Variants in EIF4G3 observed in about 807,000 individuals in gnomAD.
EIF4G3 encodes the protein eIF-4-gamma 3.
A neutral mutation model predicts 186.4 loss-of-function variants in EIF4G3; 34 were observed. The ratio of observed to expected loss-of-function variants is 0.18; its 90% CI spans 0.14 to 0.24. The LOEUF is 0.24. Ranked by LOEUF, EIF4G3 falls within the 10% of genes least tolerant of loss-of-function variation. The probability of loss-of-function intolerance (pLI) is 1.00; values close to 1 mark genes in which losing one functional copy is unlikely to be tolerated. For missense variants in EIF4G3, 1,536 were observed against 1,948.5 expected (o/e 0.79, Z 3.99); for synonymous variants, 673 against 679.5 (o/e 0.99, Z 0.15).
chr1:20,916,399 A>T (rs2093871871), intron 14 of EIF4G3, among the ~76,000 whole-genome samples: 1 of 151,934 alleles, frequency 6.6e-6, no homozygotes, highest in African/African-American at 2.4e-5. Flanking sequence ...GTGAGCCGAG[A>T]TCGTGCCATT....
intron 4 of EIF4G3, among the ~76,000 whole-genome samples, chr1:21,021,244 A>G (rs945413521): frequency 6.6e-6 from 1 of 152,148 alleles, no homozygotes; most frequent in African/African-American, 2.4e-5. Flanking sequence ...TCAGCCCCCC[A>G]AAGTGCTGGG....
At chr1:20,932,434 T>G (rs541147755) in intron 14 of EIF4G3, among the ~76,000 whole-genome samples, 14 of 152,330 alleles carry the variant, frequency 9.2e-5, no homozygotes, top group African/African-American at 3.4e-4. Flanking sequence ...TCAAGGGGCC[T>G]AGCTTTCACT....
chr1:20,969,582 A>G lies in EIF4G3; in HGVS notation c.606T>C (p.Asp202=). Reference sequence around the variant, plus strand: ...TTATGTCTTTACCTCCCTGGTTTGGATCCCGAATTCTTATCTATAAGGTTA... The same window carrying G: ...TTATGTCTTTACCTCCCTGGTTTGGGTCCCGAATTCTTATCTATAAGGTTA... ...KREKKTIRIR[D]PNQGGKDITE... is the part of the protein sequence containing the mutation. Residue 202 remains aspartate, a synonymous_variant, in exon 12 of 37, where the codon GAT becomes GAC. Transcript: ENST00000602326. The G allele has an allele frequency of 6.2e-7, 1 of 1,613,614 alleles. No homozygotes were observed. The highest frequency in any genetic ancestry group is 8.5e-7 in the Non-Finnish European group (1 of 1,179,762).
chr1:20,858,113 T>C (rs1053934648), intron 24 of EIF4G3, among the ~76,000 whole-genome samples: 2 of 152,222 alleles, frequency 1.3e-5, no homozygotes, highest in African/African-American at 4.8e-5. Context: ...GCCTTCCTGC[T>C]TCTACCTTCA....
intron 2 of EIF4G3, among the ~76,000 whole-genome samples, chr1:21,155,559 G>A (rs950018859): frequency 7.2e-5 from 11 of 152,000 alleles, no homozygotes; most frequent in African/African-American, 2.7e-4. Context: ...AGTCAGGTAC[G>A]GTGCCTCACA....
intron 7 of EIF4G3, among the ~76,000 whole-genome samples, chr1:20,997,023 A>C (rs1241439984): frequency 1.3e-5 from 2 of 152,186 alleles, no homozygotes; most frequent in Non-Finnish European, 2.9e-5. Context: ...TATTTCATTT[A>C]AAAAACCAAT....
intron 7 of EIF4G3, 59 bp downstream of exon 7, chr1:20,997,542 G>C: frequency 6.8e-7 from 1 of 1,474,034 alleles, no homozygotes. Context: ...AGAGTCAGCA[G>C]CTACTAAAGC....
rs370635546 is a variant in EIF4G3, at chr1:20,865,231, T to C, written c.2654A>G (p.Asn885Ser). 5 of 1,614,012 alleles carry C rather than the reference T, an allele frequency of 3.1e-6. No homozygotes were observed. In the South Asian group the frequency reaches 3.3e-5, roughly 11 times the overall value. Residue 885 changes from asparagine (N) to serine (S), a missense_variant, in exon 21 of 37, where the codon AAC (asparagine) becomes AGC (serine). Asn to Ser is a conservative substitution (Grantham distance 46). This residue lies in a region of EIF4G3 where 77 missense variants were observed against 131.6 expected (regional missense o/e 0.59). Transcript: ENST00000602326. ...LKVPMADKPG[N>S]TVNFRKLLLN... ...TAGCAGCTTCCGGAAATTCACTGTG[T>C]TACCAGGCTTGTCTGCCATGGGTAC...
intron 12 of EIF4G3, among the ~76,000 whole-genome samples, chr1:20,954,534 CAAAAAAAAAAAA>C (rs35942587): frequency 1.0e-4 from 5 of 49,340 alleles, no homozygotes; most frequent in South Asian, 1.9e-3. Context: ...GACCCCGTCT[CAAAAAAAAAAAA>C]AAAAAAAAAA....
At chr1:21,033,033 T>C (rs1277094996) in intron 4 of EIF4G3, among the ~76,000 whole-genome samples, 2 of 152,218 alleles carry the variant, frequency 1.3e-5, no homozygotes, top group Non-Finnish European at 2.9e-5. Flanking sequence ...TAATATTTGC[T>C]TAACAGCTAA....
intron 15 of EIF4G3, 72 bp downstream of exon 15, chr1:20,904,811 A>G (rs2091570268): frequency 2.9e-6 from 3 of 1,042,466 alleles, no homozygotes; most frequent in South Asian, 1.8e-5. Flanking sequence ...ATTTCAATAA[A>G]TAGGTATAAA....
chr1:21,024,234 G>A (rs34675896), intron 4 of EIF4G3, among the ~76,000 whole-genome samples: 4,093 of 146,250 alleles, frequency 0.028, 82 homozygotes, highest in Non-Finnish European at 0.038. Context: ...TCAGCCCCCC[G>A]CCCGGCCAGC....
At chr1:21,017,566 T>C (rs1557533229) in intron 4 of EIF4G3, among the ~76,000 whole-genome samples, 1 of 143,306 alleles carries the variant, frequency 7.0e-6, no homozygotes, top group Non-Finnish European at 1.5e-5. Flanking sequence ...AGGTGGAGCT[T>C]GCAGTGAGCC....
At chr1:21,084,899 G>A (rs2095909168) in intron 3 of EIF4G3, among the ~76,000 whole-genome samples, 1 of 151,956 alleles carries the variant, frequency 6.6e-6, no homozygotes, top group Non-Finnish European at 1.5e-5. Flanking sequence ...CCATAAAGAT[G>A]TAATATCCAT....
At chr1:20,900,794 C>T (rs904270291) in intron 15 of EIF4G3, among the ~76,000 whole-genome samples, 2 of 152,028 alleles carry the variant, frequency 1.3e-5, no homozygotes, top group Non-Finnish European at 2.9e-5. Context: ...TAAATTCACA[C>T]GAGGAGAAGA....
intron 2 of EIF4G3, among the ~76,000 whole-genome samples, chr1:21,125,769 TATACAC>T (rs1173408299): frequency 5.4e-4 from 62 of 114,508 alleles, no homozygotes; most frequent in African/African-American, 2.0e-3. Context: ...TTTATATATA[TATACAC>T]ACACACACAC....
intron 2 of EIF4G3, among the ~76,000 whole-genome samples, chr1:21,108,192 A>AAT (rs1290639799): frequency 2.0e-5 from 3 of 152,222 alleles, no homozygotes; most frequent in African/African-American, 7.2e-5. Flanking sequence ...TCTTTGAAAG[A>AAT]ATAAACAAAG....
intron 2 of EIF4G3, among the ~76,000 whole-genome samples, chr1:21,147,803 T>C (rs1461960370): frequency 6.6e-6 from 1 of 151,700 alleles, no homozygotes; most frequent in Admixed American, 6.6e-5. Context: ...ACCTATCAAA[T>C]CAACAAAAAT....
At chr1:21,093,866 A>C (rs961798991) in intron 2 of EIF4G3, among the ~76,000 whole-genome samples, 2 of 152,122 alleles carry the variant, frequency 1.3e-5, no homozygotes, top group Admixed American at 1.3e-4. Flanking sequence ...AAAAAACCAA[A>C]CACCACATGT....
Sources: allele counts gnomAD v4.1 joint callset (sites outside exome capture counted in the v4.1 genomes callset), GRCh38; gene constraint gnomAD v4.1.1; regional missense constraint gnomAD v4.1.1; transcripts MANE v1.5; gene names NCBI Gene and HGNC (gene_info 2026-07-23, HGNC 2026-07-21).